Variants in VRK2 observed in about 807,000 individuals in gnomAD.
VRK2 encodes the protein serine/threonine-protein kinase VRK2.
Under a neutral mutation model 57.6 loss-of-function variants are expected in VRK2, and 60 were observed. That is an observed-to-expected ratio of 1.04 (90% confidence interval 0.85 to 1.29). VRK2 has a LOEUF of 1.29. Among genes scored for constraint, VRK2 ranks in the 50% most tolerant of loss-of-function variants. VRK2 has a pLI of 0.00. For missense variants in VRK2, 705 were observed against 588.1 expected (o/e 1.20, Z -2.06); for synonymous variants, 231 against 199.2 (o/e 1.16, Z -1.35).
At chr2:57,933,595 A>G (rs542085005) in intron 1 of VRK2, among the ~76,000 whole-genome samples, 2 of 150,572 alleles carry the variant, frequency 1.3e-5, no homozygotes, top group East Asian at 3.9e-4. Context: ...GGCATAAGCC[A>G]CCACCTGCTG....
chr2:58,113,140 C>T (rs1675822534), intron 7 of VRK2, among the ~76,000 whole-genome samples: 2 of 151,888 alleles, frequency 1.3e-5, no homozygotes, highest in Non-Finnish European at 2.9e-5. Flanking sequence ...GAAACCCCGT[C>T]TCTACTAAAA....
chr2:57,926,797 T>C (rs1458036752), intron 1 of VRK2, among the ~76,000 whole-genome samples: 1 of 152,000 alleles, frequency 6.6e-6, no homozygotes, highest in East Asian at 1.9e-4. Context: ...CTGGGTCTTG[T>C]TTTTCTATCC....
chr2:58,048,984 A>G lies in VRK2; in HGVS notation c.136+17A>G. On this transcript the variant is annotated intron_variant, in intron 2 of 12. Transcript: ENST00000340157. ...TATATTTAGGTAAAGTAAAACCTTAAATTAACAATTATTCTTATATCTGTG... is the reference window on the plus strand; with the variant it reads ...TATATTTAGGTAAAGTAAAACCTTAGATTAACAATTATTCTTATATCTGTG... The G allele has an allele frequency of 1.2e-6, 2 of 1,606,554 alleles. No homozygotes were observed. Among genetic ancestry groups the G allele is most frequent in the Non-Finnish European group, 1.7e-6 (2 of 1,177,328 alleles).
chr2:57,959,492 C>G (rs1671689424), intron 1 of VRK2, among the ~76,000 whole-genome samples: 1 of 152,042 alleles, frequency 6.6e-6, no homozygotes, highest in Non-Finnish European at 1.5e-5. Flanking sequence ...GGTAATTGTA[C>G]CTGACTACAC....
intron 5 of VRK2, among the ~76,000 whole-genome samples, chr2:58,086,663 C>G (rs747878780): frequency 6.6e-6 from 1 of 152,164 alleles, no homozygotes; most frequent in Non-Finnish European, 1.5e-5. Context: ...CATTTCAAGG[C>G]TCATCTGGGG....
intron 2 of VRK2, among the ~76,000 whole-genome samples, chr2:58,063,520 T>G (rs946868421): frequency 5.3e-5 from 8 of 152,002 alleles, no homozygotes; most frequent in African/African-American, 1.9e-4. Context: ...ATAATAGAGT[T>G]TACTGAATAT....
At chr2:58,050,949 A>G (rs991903724) in intron 2 of VRK2, among the ~76,000 whole-genome samples, 2 of 152,018 alleles carry the variant, frequency 1.3e-5, no homozygotes, top group East Asian at 3.9e-4. Flanking sequence ...GGTTCAAGCA[A>G]TTCTCATGCC....
chr2:58,144,653 C>T (rs1447599180), intron 11 of VRK2, among the ~76,000 whole-genome samples: 1 of 151,958 alleles, frequency 6.6e-6, no homozygotes, highest in Non-Finnish European at 1.5e-5. Flanking sequence ...TTGTTTCACA[C>T]TAATGGTATC....
chr2:58,115,772 G>A (rs1310344716), intron 7 of VRK2, among the ~76,000 whole-genome samples: 1 of 152,214 alleles, frequency 6.6e-6, no homozygotes, highest in East Asian at 1.9e-4. Flanking sequence ...AGTAACGGGG[G>A]CTGTCTGTGA....
rs1483417442 is a variant in VRK2, at chr2:58,137,177, T to C, written c.856+1978T>C. Reference sequence around the variant, plus strand: ...GTGTTTATATATATCATATATCATATATATCATATATGATACATATATATC... The same window carrying C: ...GTGTTTATATATATCATATATCATACATATCATATATGATACATATATATC... On this transcript the variant is annotated intron_variant, in intron 10 of 12. Transcript: ENST00000340157. 5.3e-5 allele frequency among the ~76,000 whole-genome samples: 6 copies of C among 112,982 alleles called. No individual in the cohort carries two copies. The South Asian group carries it at 1.5e-3, about 28-fold the overall frequency. 74.1% of individuals were successfully genotyped at this position (112,982 alleles called of 152,430 possible). A position where few individuals can be genotyped will look rare whatever the true frequency, so the allele number is the denominator to read the frequency against.
chr2:58,048,017 T>C (rs1168776243), intron 1 of VRK2, among the ~76,000 whole-genome samples: 3 of 152,246 alleles, frequency 2.0e-5, no homozygotes, highest in Non-Finnish European at 4.4e-5. Context: ...TTCAGGCATG[T>C]ATGCTGGCAT....
chr2:57,938,441 T>C (rs1355432489), intron 1 of VRK2, among the ~76,000 whole-genome samples: 2 of 152,104 alleles, frequency 1.3e-5, no homozygotes, highest in Non-Finnish European at 2.9e-5. Flanking sequence ...ATATAGTAAG[T>C]TCATAATAAA....
intron 11 of VRK2, among the ~76,000 whole-genome samples, chr2:58,140,513 T>C (rs1681178605): frequency 6.6e-6 from 1 of 151,592 alleles, no homozygotes; most frequent in Non-Finnish European, 1.5e-5. Flanking sequence ...ACAAATAGAG[T>C]GTGGAGGGCA....
intron 8 of VRK2, among the ~76,000 whole-genome samples, chr2:58,129,919 C>G (rs1047411264): frequency 5.9e-5 from 9 of 151,796 alleles, no homozygotes; most frequent in African/African-American, 2.2e-4. Flanking sequence ...TTATTAATAC[C>G]GATGTGCAAA....
intron 2 of VRK2, among the ~76,000 whole-genome samples, chr2:58,068,304 A>C (rs1668901820): frequency 1.3e-5 from 2 of 152,058 alleles, no homozygotes. Context: ...GAATGTCTTC[A>C]TTTAGTTTCT....
At chr2:57,964,902 A>AC (rs1191776271) in intron 1 of VRK2, among the ~76,000 whole-genome samples, 24 of 149,710 alleles carry the variant, frequency 1.6e-4, no homozygotes, top group African/African-American at 6.1e-4. Flanking sequence ...AAAAAAAAAA[A>AC]AAAAAACTGT....
At chr2:58,050,115 C>A (rs1373134609) in intron 2 of VRK2, among the ~76,000 whole-genome samples, 1 of 151,778 alleles carries the variant, frequency 6.6e-6, no homozygotes, top group Non-Finnish European at 1.5e-5. Flanking sequence ...ATACAAGTTA[C>A]ATATGTAGTT....
In VRK2 at chr2:58,126,058, A is replaced by G. The variant is rs554310547; in HGVS notation, c.676+2825A>G. ...TCATGTGTTTACTTTCAGTACAGCC[A>G]CTATGTAATCTCAGAAAAATCTTTT... On this transcript the variant is annotated intron_variant, in intron 8 of 12. Coordinates refer to ENST00000340157, the MANE Select transcript of VRK2 (RefSeq NM_006296.7). Among the ~76,000 whole-genome samples, 20 of 152,212 alleles carry G rather than the reference A, an allele frequency of 1.3e-4. No homozygotes were observed. In the South Asian group the frequency reaches 3.9e-3, roughly 30 times the overall value.
rs1338457697 is a variant in VRK2 at position 58,159,693 on chromosome 2, A to G, written c.1527A>G (p.Ter509TrpextTer2). ...MLVFLALFFL* is the reference protein window; with the variant it reads ...MLVFLALFFLW ...TATTTCTTGCTTTATTTTTTCTCTG[A>G]AGATGATACCAAAATTCCTTTTGAT... Residue 509 changes from the stop codon to tryptophan, a stop_lost, in exon 13 of 13, where the codon TGA becomes TGG. Coordinates refer to ENST00000340157, the MANE Select transcript of VRK2 (RefSeq NM_006296.7). 1.2e-6 allele frequency: 2 copies of G among 1,612,430 alleles called. No individual in the cohort carries two copies. Among genetic ancestry groups the G allele is most frequent in the Non-Finnish European group, 1.7e-6 (2 of 1,179,396 alleles).
Sources: allele counts gnomAD v4.1 joint callset (sites outside exome capture counted in the v4.1 genomes callset), GRCh38; gene constraint gnomAD v4.1.1; transcripts MANE v1.5; gene names NCBI Gene and HGNC (gene_info 2026-07-23, HGNC 2026-07-21).